Variants in FAM120A observed in about 807,000 individuals in gnomAD.
FAM120A encodes constitutive coactivator of PPAR-gamma-like protein 1.
Under a neutral mutation model 109.7 loss-of-function variants are expected in FAM120A, and 15 were observed. The ratio of observed to expected loss-of-function variants is 0.14; its 90% CI spans 0.09 to 0.21. The LOEUF (loss-of-function observed/expected upper bound fraction) is 0.21. Among genes scored for constraint, FAM120A ranks in the 10% least tolerant of loss-of-function variants. The probability of loss-of-function intolerance (pLI) is 1.00; values close to 1 mark genes in which losing one functional copy is unlikely to be tolerated. For missense variants in FAM120A, 899 were observed against 1,439.3 expected (o/e 0.62, Z 6.07); for synonymous variants, 493 against 572.8 (o/e 0.86, Z 1.99).
intron 10 of FAM120A, among the ~76,000 whole-genome samples, chr9:93,539,414 G>C (rs1431531772): frequency 6.6e-6 from 1 of 152,232 alleles, no homozygotes; most frequent in Non-Finnish European, 1.5e-5. Context: ...TTTTCTGACA[G>C]TGAAAAGAGA....
In FAM120A at chr9:93,514,799, G is replaced by T. The variant is rs1260463405; in HGVS notation, c.1031-868G>T. On this transcript the variant is annotated intron_variant, in intron 5 of 17. Transcript: ENST00000277165. The stretch of plus-strand genomic sequence containing the variant: ...ACCATCTACTCACTCATTCACTTCT[G>T]TTGGCTGACGTGGCCCCTGAGCTCT... Among the ~76,000 whole-genome samples the T allele has an allele frequency of 3.3e-5, 5 of 152,212 alleles. No individual in the cohort carries two copies. The South Asian group carries it at 1.0e-3, about 31-fold the overall frequency.
At position 93,547,551 on chromosome 9, in the gene FAM120A, G is replaced by A. The variant is rs941006337; in HGVS notation, c.2160-3026G>A. On this transcript the variant is annotated intron_variant, in intron 11 of 17. Transcript: ENST00000277165. ...GGAGGGCTCCAGAACAATTTATAAT[G>A]CCCCCACCCTTCTGTGGTAAGGAAA... Among the ~76,000 whole-genome samples, 8 of 152,168 alleles carry A rather than the reference G, an allele frequency of 5.3e-5. No homozygotes were observed. In the East Asian group the frequency reaches 1.5e-3, roughly 29 times the overall value.
At chr9:93,476,631 A>G (rs1418142116) in intron 3 of FAM120A, among the ~76,000 whole-genome samples, 1 of 152,216 alleles carries the variant, frequency 6.6e-6, no homozygotes, top group African/African-American at 2.4e-5. Context: ...TGTTTTATAT[A>G]TTAATTTTCT....
chr9:93,542,485 T>G (rs10992780), intron 10 of FAM120A, among the ~76,000 whole-genome samples: 42,484 of 152,194 alleles, frequency 0.28, 7,001 homozygotes, highest in East Asian at 0.42. Flanking sequence ...TTGTAAGAAT[T>G]GATTGACTAA....
chr9:93,514,491 G>T (rs1860477302), intron 5 of FAM120A, among the ~76,000 whole-genome samples: 1 of 152,192 alleles, frequency 6.6e-6, no homozygotes, highest in Non-Finnish European at 1.5e-5. Context: ...GTGCAGCCGT[G>T]CAAGCCCCTG....
chr9:93,518,469 C>T (rs1162479294), intron 7 of FAM120A, among the ~76,000 whole-genome samples: 8 of 152,250 alleles, frequency 5.3e-5, no homozygotes, highest in Admixed American at 1.3e-4. Context: ...ATGAGGACCC[C>T]GGGACCTACG....
chr9:93,557,502 T>C (rs1862326021), intron 13 of FAM120A, among the ~76,000 whole-genome samples: 1 of 152,178 alleles, frequency 6.6e-6, no homozygotes, highest in African/African-American at 2.4e-5. Context: ...CTTAATAAAC[T>C]GTGAAAAGGA....
chr9:93,535,045 T>C (rs974191024), intron 10 of FAM120A, among the ~76,000 whole-genome samples: 1 of 152,232 alleles, frequency 6.6e-6, no homozygotes, highest in African/African-American at 2.4e-5. Context: ...TTTAAAAGGA[T>C]TTCATAAACA....
chr9:93,552,612 C>A (rs1272903737), intron 12 of FAM120A, among the ~76,000 whole-genome samples: 1 of 152,158 alleles, frequency 6.6e-6, no homozygotes, highest in Non-Finnish European at 1.5e-5. Flanking sequence ...CAGCTATCAT[C>A]AGATTGAGAA....
chr9:93,461,681 T>TTTA lies in FAM120A; in HGVS notation c.474+9302_474+9304dup, dbSNP rs1158235164. ...TGCATTTCTTTTATGACATCACTCC[T>TTTA]TTATTATTATTAATATTTTTAGAGG... On this transcript the variant is annotated intron_variant, in intron 1 of 17. Coordinates refer to ENST00000277165, the MANE Select transcript of FAM120A (RefSeq NM_014612.5). 7.9e-5 allele frequency among the ~76,000 whole-genome samples: 12 copies of TTTA among 152,326 alleles called. No individual in the cohort carries two copies. The South Asian group carries it at 2.5e-3, about 32-fold the overall frequency.
chr9:93,523,342 G>T, intron 7 of FAM120A: 1 of 1,289,008 alleles, frequency 7.8e-7, no homozygotes, highest in South Asian at 1.2e-5. Context: ...ATCGTGCTCT[G>T]CTCCAGGATC....
intron 13 of FAM120A, among the ~76,000 whole-genome samples, chr9:93,557,325 T>C (rs1026257701): frequency 6.6e-6 from 1 of 152,112 alleles, no homozygotes; most frequent in Non-Finnish European, 1.5e-5. Flanking sequence ...AGACGGTGTT[T>C]TGCTATGTTG....
chr9:93,489,784 A>G (rs1190988754), intron 3 of FAM120A, among the ~76,000 whole-genome samples: 1 of 152,182 alleles, frequency 6.6e-6, no homozygotes, highest in Non-Finnish European at 1.5e-5. Flanking sequence ...TCTGGGGTCT[A>G]TGTGTTTTCC....
intron 3 of FAM120A, among the ~76,000 whole-genome samples, chr9:93,483,954 T>C (rs941654524): frequency 6.6e-6 from 1 of 152,188 alleles, no homozygotes; most frequent in African/African-American, 2.4e-5. Flanking sequence ...TGCCTGTTTG[T>C]TTTAAAATAA....
At chr9:93,511,871 C>T (rs1015102630) in intron 5 of FAM120A, among the ~76,000 whole-genome samples, 8 of 152,238 alleles carry the variant, frequency 5.3e-5, no homozygotes, top group African/African-American at 1.7e-4. Context: ...CTGCTGATTA[C>T]AGCCTCTGCC....
chr9:93,460,349 C>T (rs755211662), intron 1 of FAM120A, among the ~76,000 whole-genome samples: 19 of 151,982 alleles, frequency 1.3e-4, no homozygotes, highest in Non-Finnish European at 2.2e-4. Context: ...ATTTCCTTTT[C>T]GCTTTTTTTT....
At chr9:93,550,821 A>G (rs1862071487) in intron 12 of FAM120A, 130 bp downstream of exon 12, 2 of 628,120 alleles carry the variant, frequency 3.2e-6, no homozygotes, top group Admixed American at 5.2e-5. Context: ...AACTAATAAT[A>G]CTAATATGAT....
chr9:93,554,398 G>A (rs968107966), intron 12 of FAM120A, among the ~76,000 whole-genome samples: 1 of 152,128 alleles, frequency 6.6e-6, no homozygotes, highest in East Asian at 1.9e-4. Flanking sequence ...GGCTGGATGC[G>A]GTGGCTCATG....
In FAM120A at chr9:93,467,955, C is replaced by T. The variant is rs541587679; in HGVS notation, c.475-3186C>T. 5.9e-5 allele frequency among the ~76,000 whole-genome samples: 9 copies of T among 152,030 alleles called. No homozygotes were observed. The South Asian group carries it at 1.9e-3, about 32-fold the overall frequency. On this transcript the variant is annotated intron_variant, in intron 1 of 17. Coordinates refer to ENST00000277165, the MANE Select transcript of FAM120A (RefSeq NM_014612.5). Reference sequence around the variant, plus strand: ...GGAGTGCAGTGGTGTGATCTTGACTCACTGCAACCTCTGCCTCCCAGGTTC... The same window carrying T: ...GGAGTGCAGTGGTGTGATCTTGACTTACTGCAACCTCTGCCTCCCAGGTTC...
Sources: gnomAD v4.1 joint callset for allele counts (sites outside exome capture counted in the v4.1 genomes callset) on GRCh38, gnomAD v4.1.1 for gene constraint, MANE v1.5 for transcripts, NCBI Gene and HGNC (gene_info 2026-07-23, HGNC 2026-07-21) for gene names.